Variants in RWDD3 observed in about 807,000 individuals in gnomAD.
RWDD3 encodes RWD domain-containing protein 3.
A neutral mutation model predicts 26.5 loss-of-function variants in RWDD3; 30 were observed. The observed-to-expected ratio is 1.13, with a 90% CI of 0.85 to 1.54. The LOEUF (loss-of-function observed/expected upper bound fraction) is 1.54, where lower values mean the gene tolerates loss of function less well. Ranked by LOEUF, RWDD3 falls within the 40% of genes most tolerant of loss-of-function variation. The pLI is 0.00. For synonymous variants in RWDD3, 113 were observed against 114.5 expected, an observed-to-expected ratio of 0.99 and a Z score of 0.09; for missense variants, 296 against 309.1, an observed-to-expected ratio of 0.96 and a Z score of 0.32.
rs1359257369 is a variant in RWDD3, at chr1:95,246,593, A to G, written c.625A>G (p.Lys209Glu). The part of the protein sequence containing the change: ...TSKVDVDSSG[K>E]KCKEKMISVL... ...CAAAGTAGATGTGGACTCAAGTGGA[A>G]AGAAATGCAAAGAGAAAATGATTAG... Residue 209 changes from lysine to glutamate, a missense_variant, in exon 3 of 4, where the codon AAG (lysine) becomes GAG (glutamate). Physicochemically the swap from Lys to Glu is moderately conservative, Grantham distance 56. Transcript: ENST00000370202. 6.2e-7 allele frequency: 1 copy of G among 1,613,032 alleles called. No homozygotes were observed. Among genetic ancestry groups the G allele is most frequent in the South Asian group, 1.1e-5 (1 of 91,004 alleles).
At chr1:95,234,568 C>T (rs1000149480) in intron 1 of RWDD3, among the ~76,000 whole-genome samples, 15 of 152,168 alleles carry the variant, frequency 9.9e-5, no homozygotes, top group African/African-American at 2.9e-4. Flanking sequence ...GCTCCCGGAG[C>T]CGGGGGCCCC....
At chr1:95,239,937 G>A (rs1405502676) in intron 1 of RWDD3, 2 of 1,289,446 alleles carry the variant, frequency 1.6e-6, no homozygotes, top group South Asian at 2.5e-5. Flanking sequence ...ACAGGTTGGA[G>A]AACACTGTGG....
At chr1:95,235,504 G>A (rs866460423) in intron 1 of RWDD3, among the ~76,000 whole-genome samples, 6 of 151,098 alleles carry the variant, frequency 4.0e-5, no homozygotes, top group African/African-American at 1.5e-4. Context: ...CACTACAGGC[G>A]CCTGCCACCA....
At chr1:95,242,891 C>G (rs1022952389) in intron 1 of RWDD3, among the ~76,000 whole-genome samples, 2 of 151,884 alleles carry the variant, frequency 1.3e-5, no homozygotes, top group Non-Finnish European at 2.9e-5. Context: ...TGCACTCCAG[C>G]CTGGGCGACA....
At chr1:95,244,735 A>G (rs992228265) in intron 2 of RWDD3, 37 bp downstream of exon 2, 1 of 1,590,736 alleles carries the variant, frequency 6.3e-7, no homozygotes, top group Non-Finnish European at 8.5e-7. Flanking sequence ...GAATCTGGCT[A>G]TTTTCTGCTT....
chr1:95,240,114 C>G (rs1004174045), intron 1 of RWDD3, among the ~76,000 whole-genome samples: 4 of 152,200 alleles, frequency 2.6e-5, no homozygotes, highest in Non-Finnish European at 5.9e-5. Context: ...TAATACTCCC[C>G]TCTCGAAATC....
chr1:95,239,771 G>T, intron 1 of RWDD3: 1 of 1,276,904 alleles, frequency 7.8e-7, no homozygotes, highest in Non-Finnish European at 1.0e-6. Flanking sequence ...TCTGTTTGCT[G>T]ACTAGGACCA....
Position 95,234,284 on chromosome 1 carries a change from G to T in RWDD3, c.54G>T (p.Arg18Ser), listed in dbSNP as rs775420764. The change falls in exon 1 of 4, where the codon AGG (arginine) becomes AGT (serine). Residue 18 changes from arginine (R) to serine (S), a missense_variant. Transcript: ENST00000370202. ...CGGTCCTGGCCGCGATTTTCTGCAG[G>T]CCCCACGAGTGGGAGGTGCTGAGCC... Reference protein sequence around the residue: ...ELSVLAAIFCRPHEWEVLSRS... With the variant: ...ELSVLAAIFCSPHEWEVLSRS... The T allele has an allele frequency of 4.4e-6, 7 of 1,599,028 alleles. No homozygotes were observed. The highest frequency in any genetic ancestry group is 1.7e-4 in the Middle Eastern group (1 of 5,994).
At chr1:95,236,054 C>T (rs972015297) in intron 1 of RWDD3, among the ~76,000 whole-genome samples, 23 of 152,002 alleles carry the variant, frequency 1.5e-4, no homozygotes, top group African/African-American at 5.1e-4. Context: ...AGGCCTGGCG[C>T]GTGGCTCATG....
At chr1:95,246,485 C>A in intron 2 of RWDD3, 57 bp from the exon 3 acceptor site, 6 of 994,454 alleles carry the variant, frequency 6.0e-6, no homozygotes, top group Non-Finnish European at 7.7e-6. Flanking sequence ...TCCTTTAAAA[C>A]TGGGACTTTG....
intron 1 of RWDD3, 116 bp from the exon 2 acceptor site, chr1:95,244,095 G>A: frequency 6.8e-7 from 1 of 1,463,496 alleles, no homozygotes; most frequent in Non-Finnish European, 9.1e-7. Context: ...TCATAAAATA[G>A]CTCAGAGTTT....
Position 95,244,313 on chromosome 1 carries a change from C to A in RWDD3, c.188C>A (p.Ser63Ter). Residue 63 changes from serine to a stop codon, truncating the protein, a stop_gained, in exon 2 of 4, where the codon TCA becomes TAA. Coordinates refer to ENST00000370202, the MANE Select transcript of RWDD3 (RefSeq NM_015485.5). LOFTEE classifies it high-confidence loss of function. ...LVFHLPVNYPSCLPGISINSE... is the reference protein window; with the variant it reads ...LVFHLPVNYP ...TTCCATTTGCCAGTCAATTATCCTT[C>A]ATGTCTACCTGGTATCTCGATTAAC... The A allele has an allele frequency of 6.2e-7, 1 of 1,614,228 alleles. No individual in the cohort carries two copies. Among genetic ancestry groups the A allele is most frequent in the Admixed American group, 1.7e-5 (1 of 60,022 alleles).
intron 2 of RWDD3, 23 bp downstream of exon 2, chr1:95,244,721 G>C: frequency 6.2e-7 from 1 of 1,601,538 alleles, no homozygotes. Flanking sequence ...TAAATGTTGA[G>C]TATGAATCTG....
chr1:95,239,864 A>G (rs1397790133), intron 1 of RWDD3: 1 of 1,289,766 alleles, frequency 7.8e-7, no homozygotes, highest in East Asian at 5.6e-5. Flanking sequence ...CCCCTGGACT[A>G]CCAACATGTT....
At position 95,234,319 on chromosome 1, in the gene RWDD3, A is replaced by T. The variant is rs1680184651; in HGVS notation, c.85+4A>T. Reference sequence around the variant, plus strand: ...TGGGAGGTGCTGAGCCGCTCAGGTGACTACCCGCGCGCGGGAGGGACAGGG... The same window carrying T: ...TGGGAGGTGCTGAGCCGCTCAGGTGTCTACCCGCGCGCGGGAGGGACAGGG... On this transcript the variant is annotated splice_donor_region_variant and intron_variant, in intron 1 of 3. Coordinates refer to ENST00000370202, the MANE Select transcript of RWDD3 (RefSeq NM_015485.5). 3 of 1,587,770 alleles carry T rather than the reference A, an allele frequency of 1.9e-6. No individual in the cohort carries two copies. Among genetic ancestry groups the T allele is most frequent in the African/African-American group, 2.7e-5 (2 of 74,430 alleles).
chr1:95,234,330 G>T lies in RWDD3; in HGVS notation c.85+15G>T. Reference sequence around the variant, plus strand: ...GAGCCGCTCAGGTGACTACCCGCGCGCGGGAGGGACAGGGCGCCCTCAGGG... The same window carrying T: ...GAGCCGCTCAGGTGACTACCCGCGCTCGGGAGGGACAGGGCGCCCTCAGGG... On this transcript the variant is annotated intron_variant, in intron 1 of 3. Transcript: ENST00000370202. 1 of 1,580,040 alleles carries T rather than the reference G, an allele frequency of 6.3e-7. No individual in the cohort carries two copies.
In RWDD3 at chr1:95,246,573, T is replaced by C; in HGVS notation, c.605T>C (p.Val202Ala). The C allele has an allele frequency of 6.2e-7, 1 of 1,611,654 alleles. No individual in the cohort carries two copies. The highest frequency in any genetic ancestry group is 8.5e-7 in the Non-Finnish European group (1 of 1,178,190). The change falls in exon 3 of 4, where the codon GTA becomes GCA. Residue 202 changes from valine to alanine, a missense_variant. Transcript: ENST00000370202. ...TTGATTCTTCAGAAAACCTCCAAAG[T>C]AGATGTGGACTCAAGTGGAAAGAAA... ...EYLILQKTSK[V>A]DVDSSGKKCK...
intron 1 of RWDD3, among the ~76,000 whole-genome samples, chr1:95,243,981 G>A (rs1037414830): frequency 3.9e-5 from 6 of 152,208 alleles, no homozygotes; most frequent in Admixed American, 3.9e-4. Flanking sequence ...AAGTGTAAAT[G>A]CCAGTTAAAT....
chr1:95,236,620 C>G (rs1410379185), intron 1 of RWDD3, among the ~76,000 whole-genome samples: 2 of 152,206 alleles, frequency 1.3e-5, no homozygotes, highest in Non-Finnish European at 2.9e-5. Flanking sequence ...GGTTTACTCA[C>G]TTTTAGTGTT....
Sources: gnomAD v4.1 joint callset for allele counts (sites outside exome capture counted in the v4.1 genomes callset) on GRCh38, gnomAD v4.1.1 for gene constraint, MANE v1.5 for transcripts, NCBI Gene and HGNC (gene_info 2026-07-23, HGNC 2026-07-21) for gene names.